BCAT1: variants seen among roughly 807,000 people sequenced by gnomAD.
BCAT1 encodes the protein branched-chain-amino-acid aminotransferase, cytosolic.
BCAT1 carries 48 observed loss-of-function variants against 52.4 expected under a neutral mutation model. The observed-to-expected ratio is 0.92, with a 90% CI of 0.73 to 1.16. The LOEUF is 1.16. BCAT1 is among the 50% of genes most tolerant of loss of function. BCAT1 has a pLI of 0.00. For synonymous variants in BCAT1, 167 were observed against 161.3 expected (o/e 1.04, Z -0.27); for missense variants, 451 against 457.1 (o/e 0.99, Z 0.12).
At chr12:24,823,942 A>G (rs1368909193) in intron 10 of BCAT1, among the ~76,000 whole-genome samples, 1 of 152,176 alleles carries the variant, frequency 6.6e-6, no homozygotes, top group Non-Finnish European at 1.5e-5. Context: ...CTTTCTGAGA[A>G]CTTTGGTAAT....
In BCAT1 at chr12:24,849,768, A is replaced by G; in HGVS notation, c.674+18T>C. Reference sequence around the variant, plus strand: ...ATGAAGGTGTCTTTCCTTTAGACAGAGACACAGATTTACTTACCCTCCCAT... The same window carrying G: ...ATGAAGGTGTCTTTCCTTTAGACAGGGACACAGATTTACTTACCCTCCCAT... On this transcript the variant is annotated intron_variant, in intron 6 of 10. Coordinates refer to ENST00000261192, the MANE Select transcript of BCAT1 (RefSeq NM_005504.7). The G allele has an allele frequency of 2.5e-6, 4 of 1,599,498 alleles. No homozygotes were observed. Among genetic ancestry groups the G allele is most frequent in the Non-Finnish European group, 3.4e-6 (4 of 1,169,894 alleles).
chr12:24,849,444 G>A (rs1049124514), intron 6 of BCAT1, among the ~76,000 whole-genome samples: 15 of 152,212 alleles, frequency 9.9e-5, no homozygotes, highest in African/African-American at 1.4e-4. Flanking sequence ...AGAGACCAGC[G>A]CCCAGGGGAA....
intron 1 of BCAT1, among the ~76,000 whole-genome samples, chr12:24,938,895 G>A (rs1208324394): frequency 7.0e-6 from 1 of 142,098 alleles, no homozygotes; most frequent in African/African-American, 2.6e-5. Context: ...TATTCATTGA[G>A]ATGGAGTCTC....
At chr12:24,901,210 T>A (rs763798591) in intron 2 of BCAT1, among the ~76,000 whole-genome samples, 1 of 152,088 alleles carries the variant, frequency 6.6e-6, no homozygotes, top group Non-Finnish European at 1.5e-5. Context: ...CTGATGACAA[T>A]TGACAGTGAC....
chr12:24,876,700 T>C (rs1942355191), intron 5 of BCAT1, among the ~76,000 whole-genome samples: 1 of 152,132 alleles, frequency 6.6e-6, no homozygotes, highest in South Asian at 2.1e-4. Context: ...TTAAAAATAA[T>C]ATTAAAAGAA....
At chr12:24,840,789 C>G (rs1484749726) in intron 7 of BCAT1, among the ~76,000 whole-genome samples, 1 of 152,174 alleles carries the variant, frequency 6.6e-6, no homozygotes, top group Non-Finnish European at 1.5e-5. Context: ...TAGCTACTTT[C>G]AAATATAAAC....
At chr12:24,890,885 A>G (rs1303508423) in intron 3 of BCAT1, among the ~76,000 whole-genome samples, 5 of 152,216 alleles carry the variant, frequency 3.3e-5, no homozygotes, top group African/African-American at 9.6e-5. Flanking sequence ...GCAACATCCA[A>G]GAACCTCTTG....
At chr12:24,916,478 G>C (rs538383373) in intron 1 of BCAT1, among the ~76,000 whole-genome samples, 12 of 152,070 alleles carry the variant, frequency 7.9e-5, no homozygotes, top group African/African-American at 2.4e-4. Flanking sequence ...AATAACCACT[G>C]TTTCCATGTG....
At chr12:24,820,682 T>C (rs1304829807) in intron 10 of BCAT1, among the ~76,000 whole-genome samples, 1 of 152,158 alleles carries the variant, frequency 6.6e-6, no homozygotes, top group Non-Finnish European at 1.5e-5. Flanking sequence ...TGCGGGATGG[T>C]ATTTTGAGCC....
At chr12:24,904,852 AG>A (rs1943202826) in intron 1 of BCAT1, among the ~76,000 whole-genome samples, 2 of 152,224 alleles carry the variant, frequency 1.3e-5, no homozygotes, top group Non-Finnish European at 2.9e-5. Flanking sequence ...TAATTGTGTT[AG>A]AAAGTGTTAA....
At chr12:24,906,351 G>T (rs574571237) in intron 1 of BCAT1, among the ~76,000 whole-genome samples, 1 of 152,208 alleles carries the variant, frequency 6.6e-6, no homozygotes, top group South Asian at 2.1e-4. Context: ...GAGGAGTCTG[G>T]TTTGGGACCT....
At chr12:24,833,948 G>T in intron 8 of BCAT1, 1 of 163,240 alleles carries the variant, frequency 6.1e-6, no homozygotes, top group Non-Finnish European at 1.3e-5. Flanking sequence ...AGTCTCCTGA[G>T]CACCTGGGAC....
At chr12:24,836,906 GAGAGAAAGAAAGAAAGAA>G (rs1254822069) in intron 7 of BCAT1, among the ~76,000 whole-genome samples, 1,116 of 76,258 alleles carry the variant, frequency 0.015, 114 homozygotes, top group Middle Eastern at 0.029. Context: ...AGAAAAGAAA[GAGAGAAAGAAAGAAAGAA>G]AGAAAGAAAG....
intron 1 of BCAT1, chr12:24,903,264 G>T: frequency 2.0e-6 from 1 of 501,626 alleles, no homozygotes; most frequent in Non-Finnish European, 3.1e-6. Flanking sequence ...GCGGAGGCCC[G>T]AGAATGCGCG....
chr12:24,836,627 C>T (rs1339486968), intron 7 of BCAT1, 31 bp from the exon 8 acceptor site: 4 of 1,548,926 alleles, frequency 2.6e-6, no homozygotes, highest in African/African-American at 1.4e-5. Context: ...CATTTTCAAA[C>T]TTTCACTACA....
chr12:24,947,044 C>G (rs1418325653), intron 1 of BCAT1, among the ~76,000 whole-genome samples: 1 of 151,574 alleles, frequency 6.6e-6, no homozygotes, highest in African/African-American at 2.4e-5. Flanking sequence ...TTTCCTTTTT[C>G]TAACCACCAC....
At chr12:24,821,650 CA>C (rs760987524) in intron 10 of BCAT1, among the ~76,000 whole-genome samples, 1 of 152,208 alleles carries the variant, frequency 6.6e-6, no homozygotes, top group Non-Finnish European at 1.5e-5. Flanking sequence ...TTCACTCCTT[CA>C]AGAAACATTA....
chr12:24,885,176 G>A (rs1249859427), intron 3 of BCAT1, among the ~76,000 whole-genome samples: 1 of 152,158 alleles, frequency 6.6e-6, no homozygotes, highest in Non-Finnish European at 1.5e-5. Context: ...TACAGAGATA[G>A]AGAACACAGA....
intron 1 of BCAT1, among the ~76,000 whole-genome samples, chr12:24,943,800 T>G (rs183282249): frequency 2.6e-5 from 4 of 151,696 alleles, no homozygotes; most frequent in East Asian, 2.0e-4. Flanking sequence ...CTGGCTAACA[T>G]GGTGAAACCC....
Sources: allele counts gnomAD v4.1 joint callset (sites outside exome capture counted in the v4.1 genomes callset), GRCh38; gene constraint gnomAD v4.1.1; transcripts MANE v1.5; gene names NCBI Gene and HGNC (gene_info 2026-07-23, HGNC 2026-07-21).